The following GUCY1A1 variants were observed in gnomAD, a reference collection of about 807,000 sequenced individuals.
GUCY1A1 encodes the protein guanylate cyclase soluble subunit alpha-1.
Under a neutral mutation model 64.5 loss-of-function variants are expected in GUCY1A1, and 48 were observed. That is an observed-to-expected ratio of 0.74 (90% CI 0.59 to 0.95). The LOEUF is 0.95. Among genes scored for constraint, GUCY1A1 ranks in the 40% least tolerant of loss-of-function variants. GUCY1A1 has a pLI of 0.00. For missense variants in GUCY1A1, 804 were observed against 825.3 expected (o/e 0.97, Z 0.32); for synonymous variants, 308 against 303.4 (o/e 1.02, Z -0.16).
At position 155,722,054 on chromosome 4, in the gene GUCY1A1, A is replaced by C; in HGVS notation, c.1733A>C (p.His578Pro). The stretch of plus-strand genomic sequence containing the variant: ...TGCTTTCAGATGCGAATTGGACTGC[A>C]CTCTGGATCAGTTTTTGCTGGCGTC... ...GEPIKMRIGL[H>P]SGSVFAGVVG... Residue 578 changes from histidine (H) to proline (P), a missense_variant, in exon 9 of 10, where the codon CAC (histidine) becomes CCC (proline). His to Pro is a moderately conservative substitution (Grantham distance 77). Coordinates refer to ENST00000506455, the MANE Select transcript of GUCY1A1 (RefSeq NM_001130682.3). 1 of 1,612,844 alleles carries C rather than the reference A, an allele frequency of 6.2e-7. No homozygotes were observed. Among genetic ancestry groups the C allele is most frequent in the Non-Finnish European group, 8.5e-7 (1 of 1,179,080 alleles).
At chr4:155,694,865 ATATT>A (rs1350068711) in intron 2 of GUCY1A1, among the ~76,000 whole-genome samples, 2 of 152,356 alleles carry the variant, frequency 1.3e-5, no homozygotes, top group East Asian at 3.9e-4. Flanking sequence ...TAAGAAACAA[ATATT>A]TATTACATTA....
intron 2 of GUCY1A1, among the ~76,000 whole-genome samples, chr4:155,695,381 A>G (rs1444812411): frequency 6.6e-6 from 1 of 152,222 alleles, no homozygotes; most frequent in Non-Finnish European, 1.5e-5. Flanking sequence ...TTCAACTCTA[A>G]AGATTCAAAT....
chr4:155,713,666 G>A, intron 7 of GUCY1A1, 83 bp downstream of exon 7: 3 of 1,451,984 alleles, frequency 2.1e-6, no homozygotes, highest in Non-Finnish European at 2.8e-6. Context: ...GAATTATAAT[G>A]CAACTGAAAG....
intron 4 of GUCY1A1, among the ~76,000 whole-genome samples, chr4:155,706,611 C>T (rs1214131161): frequency 6.7e-6 from 1 of 150,080 alleles, no homozygotes. Context: ...GTTTCTTTTT[C>T]TGGGATCTTT....
rs998365587 is a variant in GUCY1A1 at position 155,733,921 on chromosome 4, T to G, written c.*3690T>G. ...AATGATTCATTTTATATCCTGGATA[T>G]TTTACCATAAGTATGAGCATAAAGC... On this transcript the variant is annotated 3_prime_UTR_variant, in exon 10 of 10. Coordinates refer to ENST00000506455, the MANE Select transcript of GUCY1A1 (RefSeq NM_001130682.3). Among the ~76,000 whole-genome samples, 6 of 151,892 alleles carry G rather than the reference T, an allele frequency of 4.0e-5. No individual in the cohort carries two copies. The highest frequency in any genetic ancestry group is 1.4e-4 in the African/African-American group (6 of 41,408).
chr4:155,725,698 T>C (rs193193919), intron 9 of GUCY1A1, among the ~76,000 whole-genome samples: 7 of 152,200 alleles, frequency 4.6e-5, no homozygotes, highest in South Asian at 4.1e-4. Flanking sequence ...GGCACTGATA[T>C]TAGCTACTTA....
chr4:155,727,790 A>G (rs1193305985), intron 9 of GUCY1A1, among the ~76,000 whole-genome samples: 1 of 151,644 alleles, frequency 6.6e-6, no homozygotes. Context: ...TGTAAAGTAA[A>G]TAGATATTAA....
At chr4:155,720,907 T>G (rs1331323756) in intron 8 of GUCY1A1, among the ~76,000 whole-genome samples, 2 of 152,284 alleles carry the variant, frequency 1.3e-5, no homozygotes, top group South Asian at 4.1e-4. Context: ...TAGCAGTAAT[T>G]TAAGTGTTTG....
intron 2 of GUCY1A1, among the ~76,000 whole-genome samples, chr4:155,685,067 A>G (rs1031270186): frequency 6.6e-6 from 1 of 152,158 alleles, no homozygotes; most frequent in African/African-American, 2.4e-5. Flanking sequence ...GGAGCTCTGT[A>G]GTTAGATAGG....
At chr4:155,707,769 A>G (rs72687508) in intron 4 of GUCY1A1, among the ~76,000 whole-genome samples, 26,395 of 151,864 alleles carry the variant, frequency 0.17, 2,648 homozygotes, top group East Asian at 0.23. Context: ...CTCCTTTCTC[A>G]TAAAATTGAT....
intron 5 of GUCY1A1, 34 bp from the exon 6 acceptor site, chr4:155,710,508 T>C (rs761790864): frequency 4.8e-6 from 6 of 1,252,340 alleles, no homozygotes; most frequent in Non-Finnish European, 6.8e-6. Flanking sequence ...GGTGGCATAT[T>C]TGATATGGCA....
At chr4:155,723,086 C>A (rs1409824391) in intron 9 of GUCY1A1, among the ~76,000 whole-genome samples, 1 of 152,120 alleles carries the variant, frequency 6.6e-6, no homozygotes, top group African/African-American at 2.4e-5. Context: ...CATTCTGAGT[C>A]ATCTCATTAA....
intron 2 of GUCY1A1, among the ~76,000 whole-genome samples, chr4:155,681,071 GT>G (rs1354605588): frequency 6.6e-6 from 1 of 152,050 alleles, no homozygotes; most frequent in Non-Finnish European, 1.5e-5. Flanking sequence ...ATTAGAAGTG[GT>G]GAGAGCAGGC....
chr4:155,710,160 G>C (rs540736927), intron 5 of GUCY1A1, among the ~76,000 whole-genome samples: 1 of 152,312 alleles, frequency 6.6e-6, no homozygotes, highest in South Asian at 2.1e-4. Flanking sequence ...AACCCTCATA[G>C]AGGAAGATCC....
rs933495863 is a variant in GUCY1A1 at position 155,731,466 on chromosome 4, C to G, written c.*1235C>G. The G allele has an allele frequency of 6.6e-6, 1 of 151,770 alleles. No homozygotes were observed. The highest frequency in any genetic ancestry group is 1.5e-5 in the Non-Finnish European group (1 of 67,840). 9.4% of individuals were successfully genotyped at this position (151,770 alleles called of 1,614,324 possible). On this transcript the variant is annotated 3_prime_UTR_variant, in exon 10 of 10. Transcript: ENST00000506455. ...ATTGATGAAGCAAATGAGGCAGTGA[C>G]TACATTATGGAAATGTCTAAGTATT...
At chr4:155,696,020 T>C (rs1420605555) in intron 2 of GUCY1A1, among the ~76,000 whole-genome samples, 2 of 152,170 alleles carry the variant, frequency 1.3e-5, no homozygotes, top group Non-Finnish European at 2.9e-5. Flanking sequence ...GCGATGCTTA[T>C]GATTTCAGTG....
intron 4 of GUCY1A1, among the ~76,000 whole-genome samples, chr4:155,707,158 T>C (rs182589658): frequency 5.3e-5 from 8 of 152,338 alleles, no homozygotes; most frequent in African/African-American, 1.4e-4. Context: ...TAGGTTTTTC[T>C]TGGTTATCAG....
chr4:155,708,117 G>A (rs1318728207), intron 4 of GUCY1A1, 119 bp from the exon 5 acceptor site: 13 of 565,796 alleles, frequency 2.3e-5, no homozygotes, highest in South Asian at 1.5e-4. Context: ...GATTACAGGC[G>A]TGAGCCGCTG....
intron 2 of GUCY1A1, among the ~76,000 whole-genome samples, chr4:155,688,908 G>A (rs921956586): frequency 8.6e-5 from 13 of 151,410 alleles, no homozygotes; most frequent in African/African-American, 3.2e-4. Context: ...GGAAAAAAGT[G>A]AAAGTAGTTG....
Sources: gnomAD v4.1 joint callset for allele counts (sites outside exome capture counted in the v4.1 genomes callset) on GRCh38, gnomAD v4.1.1 for gene constraint, MANE v1.5 for transcripts, NCBI Gene and HGNC (gene_info 2026-07-23, HGNC 2026-07-21) for gene names.